Variants in SORL1 observed in about 807,000 individuals in gnomAD.
The protein encoded by SORL1 is sortilin-related receptor.
SORL1 carries 127 observed loss-of-function variants against 273.7 expected under a neutral mutation model. That is an observed-to-expected ratio of 0.46 (90% CI 0.40 to 0.54). The LOEUF (loss-of-function observed/expected upper bound fraction) is 0.54, where lower values mean the gene tolerates loss of function less well. Ranked by LOEUF, SORL1 falls within the 20% of genes least tolerant of loss-of-function variation. SORL1 has a pLI of 0.00. For synonymous variants in SORL1, 1,031 were observed against 1,067.4 expected, an observed-to-expected ratio of 0.97 and a Z score of 0.66; for missense variants, 2,494 against 2,846.1, an observed-to-expected ratio of 0.88 and a Z score of 2.81.
At chr11:121,592,705 T>C (rs1353036229) in intron 31 of SORL1, among the ~76,000 whole-genome samples, 3 of 152,246 alleles carry the variant, frequency 2.0e-5, no homozygotes, top group Non-Finnish European at 4.4e-5. Context: ...CCTACAATAA[T>C]AGGCAAATAG....
chr11:121,566,745 A>G, intron 21 of SORL1, 195 bp from the exon 22 acceptor site: 1 of 530,740 alleles, frequency 1.9e-6, no homozygotes, highest in Non-Finnish European at 3.3e-6. Context: ...GGCTGAAGAC[A>G]GGATGCAAGT....
Position 121,545,405 on chromosome 11 carries a change from C to T in SORL1, c.2027C>T (p.Ser676Phe). The stretch of plus-strand genomic sequence containing the variant: ...AGGCCGGTGGTCGTGTCCAACTGCT[C>T]CTGCACCCGGGAGGACTATGAGTGG... ...FDRPVVVSNC[S>F]CTREDYECDF... Residue 676 changes from serine (S) to phenylalanine (F), a missense_variant, in exon 14 of 48, where the codon TCC (serine) becomes TTC (phenylalanine). Physicochemically the swap from Ser to Phe is radical, Grantham distance 155 (BLOSUM62 -2). Coordinates refer to ENST00000260197, the MANE Select transcript of SORL1 (RefSeq NM_003105.6). 2 of 1,613,898 alleles carry T rather than the reference C, an allele frequency of 1.2e-6. No homozygotes were observed. The highest frequency in any genetic ancestry group is 1.1e-5 in the South Asian group (1 of 91,072).
intron 7 of SORL1, among the ~76,000 whole-genome samples, chr11:121,513,799 A>T (rs1287388339): frequency 2.0e-5 from 3 of 152,200 alleles, no homozygotes; most frequent in Non-Finnish European, 4.4e-5. Flanking sequence ...CTTAGGAAAA[A>T]TAAAGGGAAG....
At chr11:121,620,273 G>A (rs1863704629) in intron 43 of SORL1, among the ~76,000 whole-genome samples, 2 of 152,138 alleles carry the variant, frequency 1.3e-5, no homozygotes, top group East Asian at 3.9e-4. Context: ...ACCAAGTCAT[G>A]CCTATTTGTT....
intron 12 of SORL1, among the ~76,000 whole-genome samples, chr11:121,542,548 G>A (rs779268130): frequency 2.0e-5 from 3 of 151,950 alleles, no homozygotes; most frequent in East Asian, 1.9e-4. Context: ...AGTACACAGA[G>A]GATGTGTTAT....
At chr11:121,545,461 TTG>T (rs760468519) in intron 14 of SORL1, 32 bp downstream of exon 14, 14 of 1,603,906 alleles carry the variant, frequency 8.7e-6, no homozygotes, top group Non-Finnish European at 1.2e-5. Flanking sequence ...GGGGACTGAG[TTG>T]TGTTTTATTC....
At chr11:121,532,853 T>C (rs1042072594) in intron 12 of SORL1, among the ~76,000 whole-genome samples, 3 of 152,032 alleles carry the variant, frequency 2.0e-5, no homozygotes, top group Admixed American at 6.6e-5. Context: ...CCGGCTAATT[T>C]TTGTAATTTT....
intron 19 of SORL1, among the ~76,000 whole-genome samples, chr11:121,557,952 A>T (rs914250949): frequency 6.6e-6 from 1 of 152,204 alleles, no homozygotes; most frequent in African/African-American, 2.4e-5. Flanking sequence ...ATTTTTTTCA[A>T]GGAAAATTCT....
intron 1 of SORL1, among the ~76,000 whole-genome samples, chr11:121,467,397 C>T (rs1438495212): frequency 6.6e-6 from 1 of 152,168 alleles, no homozygotes; most frequent in East Asian, 1.9e-4. Flanking sequence ...TTTGCCCACT[C>T]TGATCACTGA....
intron 2 of SORL1, among the ~76,000 whole-genome samples, chr11:121,470,389 A>G (rs1322970823): frequency 6.6e-6 from 1 of 152,254 alleles, no homozygotes; most frequent in East Asian, 1.9e-4. Context: ...CATCTGCCCA[A>G]GAAAATACCA....
At chr11:121,503,028 A>G (rs1438866942) in intron 6 of SORL1, among the ~76,000 whole-genome samples, 1 of 151,554 alleles carries the variant, frequency 6.6e-6, no homozygotes, top group Non-Finnish European at 1.5e-5. Flanking sequence ...GTGCCACCAT[A>G]CCTGTTAATT....
At position 121,554,213 on chromosome 11, in the gene SORL1, G is replaced by A; in HGVS notation, c.2439+104G>A. On this transcript the variant is annotated intron_variant, in intron 17 of 47. Transcript: ENST00000260197. The surrounding 1 kb of genome is among the most constrained non-coding windows in gnomAD (Gnocchi z 4.6). ...TATGGAAATGGGCAGTTAGAAGTTT[G>A]TAAGTGTTACTCATCTCAGGGCTGA... is the stretch of plus-strand genomic sequence containing the variant. The A allele has an allele frequency of 9.8e-7, 1 of 1,016,532 alleles. No homozygotes were observed. Among genetic ancestry groups the A allele is most frequent in the South Asian group, 1.6e-5 (1 of 61,342 alleles). 63.0% of individuals were successfully genotyped at this position (1,016,532 alleles called of 1,614,324 possible).
At chr11:121,611,435 T>G (rs1863562437) in intron 39 of SORL1, 1 of 284,940 alleles carries the variant, frequency 3.5e-6, no homozygotes, top group Non-Finnish European at 6.6e-6. Context: ...AAATAAAGAG[T>G]TGGTGTTAAC....
intron 30 of SORL1, chr11:121,590,670 G>A (rs1863197034): frequency 1.6e-6 from 1 of 621,144 alleles, no homozygotes; most frequent in African/African-American, 1.8e-5. Flanking sequence ...ACAATGCTTT[G>A]CCTCAGTAGG....
Position 121,567,031 on chromosome 11 carries a change from C to T in SORL1, c.3141C>T (p.Ser1047=), listed in dbSNP as rs767723809. ...SRSCRCPEDV[S]SSVLPSGDLM... ...GCTGCAGGTGTCCAGAGGATGTGTC[C>T]AGCAGTGTGCTTCCATCAGGGGACC... Residue 1047 remains serine (S), a synonymous_variant, in exon 22 of 48, where the codon TCC becomes TCT. Coordinates refer to ENST00000260197, the MANE Select transcript of SORL1 (RefSeq NM_003105.6). The T allele has an allele frequency of 3.1e-6, 5 of 1,614,086 alleles. No homozygotes were observed. Among genetic ancestry groups the T allele is most frequent in the Middle Eastern group, 1.6e-4 (1 of 6,084 alleles).
At chr11:121,512,976 A>AT (rs758463224) in intron 6 of SORL1, 27 bp from the exon 7 acceptor site, 676 of 1,500,388 alleles carry the variant, frequency 4.5e-4, no homozygotes, top group Non-Finnish European at 5.5e-4. Context: ...GGCACCATTA[A>AT]TTTTTTTTTC....
intron 17 of SORL1, 138 bp from the exon 18 acceptor site, chr11:121,555,049 T>A: frequency 1.1e-6 from 1 of 946,390 alleles, no homozygotes; most frequent in Non-Finnish European, 1.5e-6. Context: ...TTCATGTGTC[T>A]GGAAAGTTTA....
chr11:121,522,859 A>G, intron 10 of SORL1, 57 bp from the exon 11 acceptor site: 5 of 1,499,058 alleles, frequency 3.3e-6, no homozygotes, highest in Non-Finnish European at 4.7e-6. Context: ...TGGCTGGGCA[A>G]GGTGATTATC....
In SORL1 at chr11:121,566,996, A is replaced by G; in HGVS notation, c.3106A>G (p.Asn1036Asp). Residue 1036 changes from asparagine (N) to aspartate (D), a missense_variant, in exon 22 of 48, where the codon AAC (asparagine) becomes GAC (aspartate). This residue lies in a region of SORL1 where 1,609 missense variants were observed against 1,816.4 expected (regional missense o/e 0.89). Coordinates refer to ENST00000260197, the MANE Select transcript of SORL1 (RefSeq NM_003105.6). ...CSLLCLPKAN[N>D]SRSCRCPEDV... ...CCTGCTGTGCCTGCCCAAGGCCAAC[A>G]ACAGTAGAAGCTGCAGGTGTCCAGA... 3 of 1,614,178 alleles carry G rather than the reference A, an allele frequency of 1.9e-6. No individual in the cohort carries two copies. The highest frequency in any genetic ancestry group is 2.5e-6 in the Non-Finnish European group (3 of 1,180,016).
Sources: gnomAD v4.1 joint callset for allele counts (sites outside exome capture counted in the v4.1 genomes callset) on GRCh38, gnomAD v4.1.1 for gene constraint, gnomAD v4.1.1 regional missense constraint, Gnocchi (gnomAD v3.1) non-coding constraint, MANE v1.5 for transcripts, NCBI Gene and HGNC (gene_info 2026-07-23, HGNC 2026-07-21) for gene names.